Variants in DST observed in about 807,000 individuals in gnomAD.
DST encodes the protein dystonin, also known as bullous pemphigoid antigen.
In DST, 253 loss-of-function variants were observed where a neutral mutation model predicts 875.2. The ratio of observed to expected loss-of-function variants is 0.29; its 90% CI spans 0.26 to 0.32. DST has a LOEUF of 0.32. Among genes scored for constraint, DST ranks in the 10% least tolerant of loss-of-function variants. DST has a pLI of 1.00. For synonymous variants in DST, 3,124 were observed against 3,197.1 expected (o/e 0.98, Z 0.77); for missense variants, 8,287 against 9,111.6 (o/e 0.91, Z 3.68).
chr6:56,616,816 T>A (rs750083417), intron 36 of DST: 1 of 1,614,168 alleles, frequency 6.2e-7, no homozygotes, highest in Non-Finnish European at 8.5e-7. Flanking sequence ...AATAAGAATA[T>A]CCCACAGCTG....
chr6:56,592,728 T>C (rs1360117720), intron 48 of DST, among the ~76,000 whole-genome samples: 1 of 152,208 alleles, frequency 6.6e-6, no homozygotes, highest in African/African-American at 2.4e-5. Flanking sequence ...AATAAATTTC[T>C]ATATGTTGCA....
Position 56,606,775 on chromosome 6 carries a change from A to G in DST, c.7853T>C (p.Phe2618Ser). The G allele has an allele frequency of 6.2e-7, 1 of 1,613,344 alleles. No homozygotes were observed. Among genetic ancestry groups the G allele is most frequent in the Non-Finnish European group, 8.5e-7 (1 of 1,179,590 alleles). ...SDDDFYDTPL[F>S]EDDDHDSLLL... ...CAAAGAATCATGGTCATCATCTTCA[A>G]ACAAGGGAGTATCATAAAAATCATC... is the stretch of plus-strand genomic sequence containing the variant. Residue 2618 changes from phenylalanine to serine, a missense_variant, in exon 40 of 104, where the codon TTT (phenylalanine) becomes TCT (serine). Physicochemically the swap from Phe to Ser is radical, Grantham distance 155. Transcript: ENST00000680361.
intron 1 of DST, 98 bp downstream of exon 1, chr6:56,954,308 TA>T (rs1389350924): frequency 1.1e-6 from 1 of 936,146 alleles, no homozygotes. Context: ...ATGATGGGGC[TA>T]GGGGCAGCCG....
rs183254151 is a variant in DST, at chr6:56,608,933, G to T, written c.5695C>A (p.Gln1899Lys). 58 of 1,613,810 alleles carry T rather than the reference G, an allele frequency of 3.6e-5. No homozygotes were observed. In the African/African-American group the frequency reaches 7.5e-4, roughly 21 times the overall value. Residue 1899 changes from glutamine (Q) to lysine (K), a missense_variant, in exon 40 of 104, where the codon CAG becomes AAG. Around this residue, in one of 10 missense-constraint regions of DST, gnomAD observed 3,138 missense variants for 3,116.6 expected, o/e 1.01. Coordinates refer to ENST00000680361, the MANE Select transcript of DST (RefSeq NM_001374736.1). ...AATAATGCTGAGGAAACCAAGTTCT[G>T]TTGGAAAGCCTTCTGTAGGGTCAAC... ...EQLTLQKAFQ[Q>K]NLVSSALFSK...
rs1586702370 is a variant in DST, at chr6:56,615,675, A to T, written c.4930-1191T>A. 2 of 1,614,076 alleles carry T rather than the reference A, an allele frequency of 1.2e-6. No homozygotes were observed. The highest frequency in any genetic ancestry group is 8.5e-7 in the Non-Finnish European group (1 of 1,179,982). On this transcript the variant is annotated intron_variant, in intron 36 of 103. Coordinates refer to ENST00000680361, the MANE Select transcript of DST (RefSeq NM_001374736.1). ...GGGCATATTATATTTCTGACATATG[A>T]CTTTTGATCTTTGAGTTTTGTGGCA...
rs752134148 is a variant in DST at position 56,900,430 on chromosome 6, G to A, written c.408C>T (p.Ile136=). ...EFYHSVQGAS[I]RRPSSGNASY... ...ACAGTTCTCTACTTACAGGCCTCCT[G>A]ATTGAAGCACCTTGAACAGAGTGAT... The change falls in exon 3 of 104, where the codon ATC becomes ATT. Residue 136 remains isoleucine, a synonymous_variant. Transcript: ENST00000680361. 1 of 1,367,546 alleles carries A rather than the reference G, an allele frequency of 7.3e-7. No individual in the cohort carries two copies. Among genetic ancestry groups the A allele is most frequent in the Admixed American group, 1.9e-5 (1 of 52,556 alleles). The allele number at this position is 1,367,546 out of a possible 1,614,324, so 84.7% of individuals were successfully genotyped here.
intron 2 of DST, among the ~76,000 whole-genome samples, chr6:56,907,219 G>T (rs1231312099): frequency 6.6e-6 from 1 of 152,180 alleles, no homozygotes; most frequent in Non-Finnish European, 1.5e-5. Context: ...AGTCTTGATT[G>T]TGAGTTCCAC....
intron 50 of DST, among the ~76,000 whole-genome samples, chr6:56,578,126 G>A (rs879319373): frequency 4.6e-5 from 7 of 151,984 alleles, no homozygotes; most frequent in Non-Finnish European, 8.8e-5. Context: ...TGCTACTTTT[G>A]TGCACAAAAC....
At chr6:56,761,330 G>T (rs2099616703) in intron 4 of DST, among the ~76,000 whole-genome samples, 2 of 152,154 alleles carry the variant, frequency 1.3e-5, no homozygotes, top group Admixed American at 6.6e-5. Context: ...GCTGCCAAGT[G>T]GGGGGCAAAT....
At chr6:56,523,193 G>A (rs1017822721) in intron 69 of DST, among the ~76,000 whole-genome samples, 3 of 151,894 alleles carry the variant, frequency 2.0e-5, no homozygotes, top group African/African-American at 7.3e-5. Context: ...CAGATTTGGG[G>A]GACTGGTGGG....
intron 27 of DST, 46 bp downstream of exon 27, chr6:56,634,086 T>C (rs756664246): frequency 1.2e-6 from 2 of 1,608,924 alleles, no homozygotes; most frequent in Non-Finnish European, 1.7e-6. Flanking sequence ...TGAAAAGGCA[T>C]GCACATTTTT....
At chr6:56,474,689 A>C (rs1000949885) in intron 92 of DST, among the ~76,000 whole-genome samples, 1 of 152,172 alleles carries the variant, frequency 6.6e-6, no homozygotes, top group Non-Finnish European at 1.5e-5. Context: ...TCTACAAACA[A>C]ACTAGGTAGC....
chr6:56,666,654 AT>A (rs1181254030), intron 10 of DST, among the ~76,000 whole-genome samples: 1 of 152,136 alleles, frequency 6.6e-6, no homozygotes, highest in East Asian at 1.9e-4. Flanking sequence ...TAAAATGGAC[AT>A]TTTCCACAAC....
At chr6:56,490,304 T>C (rs2095693400) in intron 85 of DST, among the ~76,000 whole-genome samples, 1 of 152,150 alleles carries the variant, frequency 6.6e-6, no homozygotes, top group Non-Finnish European at 1.5e-5. Context: ...ATATATTTGA[T>C]TTTGAGCACA....
intron 2 of DST, among the ~76,000 whole-genome samples, chr6:56,946,473 T>C (rs573472637): frequency 4.6e-5 from 7 of 152,276 alleles, no homozygotes; most frequent in Non-Finnish European, 8.8e-5. Flanking sequence ...GTTGCTGTTA[T>C]TTCCAATAGG....
At position 56,758,818 on chromosome 6, in the gene DST, A is replaced by C. The variant is rs73746936; in HGVS notation, c.626-23529T>G. On this transcript the variant is annotated intron_variant, in intron 4 of 103. Transcript: ENST00000680361. ...AGGTTCTAAAAGCAACGGACCCAGC[A>C]GCAAGGCAGAGGCTGCATCACCTTT... is the stretch of plus-strand genomic sequence containing the variant. Among the ~76,000 whole-genome samples the C allele has an allele frequency of 6.6e-3, 1,000 of 152,358 alleles. 8 individuals are homozygous for C. The highest frequency in any genetic ancestry group is 0.022 in the African/African-American group (904 of 41,574).
chr6:56,539,088 G>A (rs2152528618), intron 61 of DST, among the ~76,000 whole-genome samples: 1 of 152,188 alleles, frequency 6.6e-6, no homozygotes, highest in Admixed American at 6.5e-5. Context: ...AACATTCAAG[G>A]AAACGTTTTA....
intron 4 of DST, among the ~76,000 whole-genome samples, chr6:56,823,775 G>A (rs528052662): frequency 1.6e-3 from 246 of 152,144 alleles, no homozygotes; most frequent in African/African-American, 5.7e-3. Context: ...TTAAATTGCT[G>A]GGAGAAAATT....
At chr6:56,553,811 T>C (rs574954109) in intron 60 of DST, among the ~76,000 whole-genome samples, 156 bp from the exon 61 acceptor site, 1 of 152,226 alleles carries the variant, frequency 6.6e-6, no homozygotes, top group East Asian at 1.9e-4. Context: ...ACTTAAGTTA[T>C]TGACAAAGGG....
Sources: gnomAD v4.1 joint callset for allele counts (sites outside exome capture counted in the v4.1 genomes callset) on GRCh38, gnomAD v4.1.1 for gene constraint, gnomAD v4.1.1 regional missense constraint, MANE v1.5 for transcripts, NCBI Gene and HGNC (gene_info 2026-07-23, HGNC 2026-07-21) for gene names.